The following SSU72 variants were observed in gnomAD, a reference collection of about 807,000 sequenced individuals.
SSU72 encodes the protein RNA polymerase II subunit A C-terminal domain phosphatase SSU72.
SSU72 carries 12 observed loss-of-function variants against 22.7 expected under a neutral mutation model. That is an observed-to-expected ratio of 0.53 (90% CI 0.34 to 0.86). SSU72 has a LOEUF of 0.86. SSU72 is among the 40% of genes least tolerant of loss of function. The pLI is 0.02. For missense variants in SSU72, 151 were observed against 249.8 expected (o/e 0.60, Z 2.67); for synonymous variants, 116 against 98.3 (o/e 1.18, Z -1.06).
At chr1:1,548,599 A>G (rs1428610415) in intron 2 of SSU72, among the ~76,000 whole-genome samples, 1 of 150,776 alleles carries the variant, frequency 6.6e-6, no homozygotes, top group Non-Finnish European at 1.5e-5. Context: ...GGCCAAGAAA[A>G]TTGTCCAGAG....
In SSU72 at chr1:1,544,011, A is replaced by AC. The variant is rs757230910; in HGVS notation, c.365-25dup. 7 of 1,580,226 alleles carry AC rather than the reference A, an allele frequency of 4.4e-6. No homozygotes were observed. In the South Asian group the frequency reaches 7.8e-5, roughly 18 times the overall value. ...ATCTGATTGGGACAAGGTGACACAG[A>AC]CGTCAGAGGCTCCAAAACCAGGGAA... is the stretch of plus-strand genomic sequence containing the variant. On this transcript the variant is annotated intron_variant, in intron 3 of 4. Coordinates refer to ENST00000291386, the MANE Select transcript of SSU72 (RefSeq NM_014188.3).
At position 1,557,242 on chromosome 1, in the gene SSU72, G is replaced by A. The variant is rs547506225; in HGVS notation, c.224+7531C>T. Reference sequence around the variant, plus strand: ...AGCTTGGCCAACATAGTGAAATCCTGTCTCTACTAAAAATACAAAAATTAG... The same window carrying A: ...AGCTTGGCCAACATAGTGAAATCCTATCTCTACTAAAAATACAAAAATTAG... On this transcript the variant is annotated intron_variant, in intron 2 of 4. Coordinates refer to ENST00000291386, the MANE Select transcript of SSU72 (RefSeq NM_014188.3). Among the ~76,000 whole-genome samples, 3 of 152,026 alleles carry A rather than the reference G, an allele frequency of 2.0e-5. No homozygotes were observed. In the South Asian group the frequency reaches 6.2e-4, roughly 32 times the overall value.
intron 1 of SSU72, 103 bp downstream of exon 1, chr1:1,574,375 C>G (rs1311640473): frequency 2.3e-6 from 3 of 1,296,878 alleles, no homozygotes; most frequent in South Asian, 2.7e-5. Flanking sequence ...CGGCCCGGCC[C>G]GGCTTCCTCT....
intron 2 of SSU72, chr1:1,564,385 GGCACGCAC>G: frequency 7.8e-7 from 1 of 1,279,972 alleles, no homozygotes; most frequent in Non-Finnish European, 1.0e-6. Context: ...ATGTGTATCA[GGCACGCAC>G]GCACACACGC....
At chr1:1,566,712 C>T (rs528007308) in intron 1 of SSU72, among the ~76,000 whole-genome samples, 57 of 151,846 alleles carry the variant, frequency 3.8e-4, no homozygotes, top group Non-Finnish European at 6.9e-4. Context: ...ATTAGGCGGG[C>T]GAGGCGGCGG....
intron 2 of SSU72, among the ~76,000 whole-genome samples, chr1:1,556,938 T>C (rs1374387939): frequency 6.6e-6 from 1 of 152,226 alleles, no homozygotes; most frequent in Non-Finnish European, 1.5e-5. Context: ...ACCTCTGTCA[T>C]CTCAGATGAG....
intron 2 of SSU72, chr1:1,560,749 G>A (rs920507361): frequency 6.6e-6 from 1 of 152,166 alleles, no homozygotes; most frequent in African/African-American, 2.4e-5. Context: ...TACTCTGGAA[G>A]GCCAACATGT....
At chr1:1,546,196 A>T (rs1642387551) in intron 2 of SSU72, 2 of 152,254 alleles carry the variant, frequency 1.3e-5, no homozygotes, top group Admixed American at 1.3e-4. Context: ...AACCACTTTC[A>T]GATAAACAGC....
chr1:1,556,956 G>A (rs1642528740), intron 2 of SSU72, among the ~76,000 whole-genome samples: 1 of 152,222 alleles, frequency 6.6e-6, no homozygotes, highest in South Asian at 2.1e-4. Context: ...GAGAAGAGCA[G>A]GCCAGTATCT....
intron 2 of SSU72, among the ~76,000 whole-genome samples, chr1:1,550,880 C>T (rs541580348): frequency 3.3e-5 from 5 of 152,174 alleles, no homozygotes; most frequent in Non-Finnish European, 5.9e-5. Flanking sequence ...CCCTGCTGGG[C>T]CTGGGAGGTG....
chr1:1,574,032 AAAG>A (rs33918586), intron 1 of SSU72, among the ~76,000 whole-genome samples: 68,567 of 146,060 alleles, frequency 0.47, 20,001 homozygotes, highest in East Asian at 0.85. Context: ...AAAAAAAAAA[AAAG>A]AAGAAGAAGT....
chr1:1,557,063 C>G (rs1022155431), intron 2 of SSU72, among the ~76,000 whole-genome samples: 1 of 152,228 alleles, frequency 6.6e-6, no homozygotes, highest in Non-Finnish European at 1.5e-5. Flanking sequence ...GAATCGGCGT[C>G]TGGCTTAGGA....
intron 1 of SSU72, among the ~76,000 whole-genome samples, chr1:1,567,534 T>C (rs1180971656): frequency 6.6e-6 from 1 of 152,118 alleles, no homozygotes; most frequent in African/African-American, 2.4e-5. Context: ...TAAAGTCAAC[T>C]GTTGGTTGTG....
intron 1 of SSU72, among the ~76,000 whole-genome samples, chr1:1,573,504 C>G (rs1317420033): frequency 6.7e-6 from 1 of 149,360 alleles, no homozygotes; most frequent in Non-Finnish European, 1.5e-5. Context: ...GAACACTTGA[C>G]ACTGATTTTT....
At chr1:1,546,860 C>A (rs199744320) in intron 2 of SSU72, among the ~76,000 whole-genome samples, 191 of 75,142 alleles carry the variant, frequency 2.5e-3, no homozygotes, top group African/African-American at 3.9e-3. Context: ...ACAACAACAA[C>A]AAAAAAAAAA....
rs372118551 is a variant in SSU72 at position 1,564,919 on chromosome 1, G to A, written c.81-3C>T. On this transcript the variant is annotated splice_polypyrimidine_tract_variant and splice_region_variant and intron_variant, in intron 1 of 4. Transcript: ENST00000291386. ...ATCGGACGCTGAATCCCCGTTTGCT[G>A]AAAGACAAAAGGAGAGAAAGAATCA... is the stretch of plus-strand genomic sequence containing the variant. 78 of 1,591,592 alleles carry A rather than the reference G, an allele frequency of 4.9e-5. No homozygotes were observed. Among genetic ancestry groups the A allele is most frequent in the African/African-American group, 6.8e-5 (5 of 74,006 alleles).
intron 2 of SSU72, among the ~76,000 whole-genome samples, chr1:1,557,427 A>G (rs773218683): frequency 2.6e-5 from 4 of 151,822 alleles, no homozygotes; most frequent in Admixed American, 6.6e-5. Flanking sequence ...AAGTAAATAA[A>G]TAAATAAATA....
chr1:1,564,731 G>A, intron 2 of SSU72, 42 bp downstream of exon 2: 1 of 1,614,226 alleles, frequency 6.2e-7, no homozygotes, highest in South Asian at 1.1e-5. Context: ...CTTCCAGGGA[G>A]GACCACACGG....
chr1:1,566,286 A>T (rs1391308719), intron 1 of SSU72, among the ~76,000 whole-genome samples: 1 of 152,180 alleles, frequency 6.6e-6, no homozygotes. Context: ...AAAAAAAGTT[A>T]CTTTGGTATA....
Sources: gnomAD v4.1 joint callset for allele counts (sites outside exome capture counted in the v4.1 genomes callset) on GRCh38, gnomAD v4.1.1 for gene constraint, MANE v1.5 for transcripts, NCBI Gene and HGNC (gene_info 2026-07-23, HGNC 2026-07-21) for gene names.